WNT11: variants seen among roughly 807,000 people sequenced by gnomAD.
WNT11 encodes the protein protein Wnt-11.
WNT11 carries 20 observed loss-of-function variants against 35.6 expected under a neutral mutation model. The observed-to-expected ratio is 0.56, with a 90% CI of 0.40 to 0.82. The LOEUF is 0.82. WNT11 is among the 40% of genes least tolerant of loss of function. The pLI is 0.00. For synonymous variants in WNT11, 200 were observed against 211.9 expected (o/e 0.94, Z 0.49); for missense variants, 459 against 504.4 (o/e 0.91, Z 0.86).
chr11:76,189,031 C>T (rs2134564194), intron 4 of WNT11, among the ~76,000 whole-genome samples: 1 of 152,284 alleles, frequency 6.6e-6, no homozygotes, highest in Middle Eastern at 3.4e-3. Context: ...GTGGGGGCTG[C>T]CAGCAGTTCC....
At chr11:76,189,573 C>A (rs1340222276) in intron 4 of WNT11, among the ~76,000 whole-genome samples, 3 of 152,176 alleles carry the variant, frequency 2.0e-5, no homozygotes, top group Non-Finnish European at 4.4e-5. Context: ...TAGAGATACC[C>A]CGCATGCACA....
rs570846693 is a variant in WNT11 at position 76,191,847 on chromosome 11, C to T, written c.607G>A (p.Ala203Thr). The change falls in exon 4 of 5, where the codon GCC becomes ACC. Residue 203 changes from alanine to threonine, a missense_variant. Physicochemically the swap from Ala to Thr is moderately conservative, Grantham distance 58. Transcript: ENST00000322563. ...CACTTACACTTCATTTCCAGAGAGG[C>T]GCGCAGAGCCTGCGGACAGGGGAAG... ...NSEVGRQALR[A>T]SLEMKCKCHG... 10 of 1,598,734 alleles carry T rather than the reference C, an allele frequency of 6.3e-6. No homozygotes were observed. The highest frequency in any genetic ancestry group is 1.7e-5 in the Admixed American group (1 of 59,968).
intron 3 of WNT11, among the ~76,000 whole-genome samples, chr11:76,193,697 C>G (rs190432244): frequency 1.1e-4 from 17 of 152,374 alleles, no homozygotes; most frequent in African/African-American, 3.8e-4. Context: ...GTCCTGGGCT[C>G]TATTGTGCCG....
chr11:76,187,082 G>A lies in WNT11; in HGVS notation c.1048C>T (p.Arg350Cys), dbSNP rs756851051. 10 of 1,611,008 alleles carry A rather than the reference G, an allele frequency of 6.2e-6. No individual in the cohort carries two copies. The highest frequency in any genetic ancestry group is 2.7e-5 in the African/African-American group (2 of 74,932). The change falls in exon 5 of 5, where the codon CGC (arginine) becomes TGC (cysteine). Residue 350 changes from arginine to cysteine, a missense_variant. Arg to Cys is a radical substitution (Grantham distance 180). Transcript: ENST00000322563. Reference protein sequence around the residue: ...TCRRCERTVERYVCK With the variant: ...TCRRCERTVECYVCK ...GCAGGGCCTCACTTGCAGACATAGC[G>A]CTCCACGGTACGCTCACACCTGCGG...
intron 4 of WNT11, among the ~76,000 whole-genome samples, chr11:76,191,183 G>A (rs879881464): frequency 4.6e-5 from 7 of 152,156 alleles, no homozygotes; most frequent in Non-Finnish European, 7.4e-5. Flanking sequence ...GCCTTTACCC[G>A]TCATCTGTTC....
chr11:76,210,621 C>G (rs2134621143), upstream of WNT11: 1 of 985,262 alleles, frequency 1.0e-6, no homozygotes, highest in East Asian at 1.1e-4. Flanking sequence ...GAGAAGGACG[C>G]CGGGGATCCT....
chr11:76,187,021 C>T lies in WNT11; in HGVS notation c.*44G>A. The T allele has an allele frequency of 6.2e-7, 1 of 1,603,200 alleles. No individual in the cohort carries two copies. Among genetic ancestry groups the T allele is most frequent in the Non-Finnish European group, 8.5e-7 (1 of 1,179,598 alleles). On this transcript the variant is annotated 3_prime_UTR_variant, in exon 5 of 5. Transcript: ENST00000322563. ...CCCCTGGCCCCAGTTGCTGAGGGTC[C>T]TTGAGCAGAGTCCTCGCTCCTGCGT...
At chr11:76,200,570 G>A (rs1423098810) in intron 1 of WNT11, among the ~76,000 whole-genome samples, 1 of 152,188 alleles carries the variant, frequency 6.6e-6, no homozygotes, top group East Asian at 1.9e-4. Context: ...AGGGCAGCCC[G>A]GAGGGGATGA....
At chr11:76,210,483 C>T, upstream of WNT11, 1 of 985,310 alleles carries the variant, frequency 1.0e-6, no homozygotes, top group East Asian at 1.1e-4. Context: ...TCCCGGGGCG[C>T]TCGCCAGGCG....
chr11:76,188,174 T>C (rs1371517200), intron 4 of WNT11, among the ~76,000 whole-genome samples: 1 of 152,250 alleles, frequency 6.6e-6, no homozygotes, highest in Admixed American at 6.5e-5. Context: ...GTTGGCCATG[T>C]GCCTCCTGTG....
chr11:76,194,782 G>C lies in WNT11; in HGVS notation c.382C>G (p.Arg128Gly). 6.4e-7 allele frequency: 1 copy of C among 1,554,462 alleles called. No homozygotes were observed. The highest frequency in any genetic ancestry group is 8.7e-7 in the Non-Finnish European group (1 of 1,152,744). Residue 128 changes from arginine (R) to glycine (G), a missense_variant, in exon 3 of 5, where the codon CGG becomes GGG. Transcript: ENST00000322563. This position sits in a 1 kb window ranked among gnomAD's most constrained non-coding sequence, Gnocchi z 5.4. ...GGCAGGTCGCCGGAGGTGCAGGCCCGGGCGATGGCGTGGCTGATGGCGGCG... is the reference window on the plus strand; with the variant it reads ...GGCAGGTCGCCGGAGGTGCAGGCCCCGGCGATGGCGTGGCTGATGGCGGCG... ...SAAAISHAIA[R>G]ACTSGDLPGC...
chr11:76,196,345 T>C, intron 2 of WNT11, 138 bp downstream of exon 2: 1 of 990,538 alleles, frequency 1.0e-6, no homozygotes, highest in Non-Finnish European at 1.5e-6. Context: ...CATCCATGCC[T>C]GTATCCACCC....
chr11:76,209,513 C>A (rs1269498906), upstream of WNT11, among the ~76,000 whole-genome samples: 1 of 152,176 alleles, frequency 6.6e-6, no homozygotes, highest in East Asian at 1.9e-4. Context: ...AAGCCTCCCG[C>A]CACGCAGCTC....
chr11:76,192,361 A>T (rs1366700835), intron 3 of WNT11, among the ~76,000 whole-genome samples: 1 of 152,150 alleles, frequency 6.6e-6, no homozygotes, highest in Non-Finnish European at 1.5e-5. Flanking sequence ...AGAAAAGAAG[A>T]GAAGGAAGGA....
chr11:76,208,720 G>A (rs1953511743), upstream of WNT11, among the ~76,000 whole-genome samples: 1 of 152,184 alleles, frequency 6.6e-6, no homozygotes, highest in Non-Finnish European at 1.5e-5. Flanking sequence ...ACAGCGGACG[G>A]GGACCCAGGC....
At chr11:76,197,669 G>A (rs1057169865) in intron 1 of WNT11, among the ~76,000 whole-genome samples, 3 of 152,096 alleles carry the variant, frequency 2.0e-5, no homozygotes, top group African/African-American at 4.8e-5. Flanking sequence ...CATCCACCTC[G>A]TCCGTGCTTT....
At chr11:76,192,649 T>A (rs1056061447) in intron 3 of WNT11, among the ~76,000 whole-genome samples, 2 of 152,318 alleles carry the variant, frequency 1.3e-5, no homozygotes, top group East Asian at 3.9e-4. Flanking sequence ...ATTTAAGTAA[T>A]AACTATGGTG....
intron 1 of WNT11, among the ~76,000 whole-genome samples, chr11:76,197,797 C>G (rs148923775): frequency 2.4e-4 from 36 of 152,116 alleles, no homozygotes; most frequent in African/African-American, 8.2e-4. Flanking sequence ...GGCCCCTCCT[C>G]GATCTGCCGT....
chr11:76,206,261 C>T (rs1953470683), intron 1 of WNT11, 64 bp downstream of exon 1: 1 of 1,352,480 alleles, frequency 7.4e-7, no homozygotes, highest in Non-Finnish European at 9.6e-7. Context: ...TCCAGGGGAC[C>T]CCAAAACGCC....
Sources: allele counts gnomAD v4.1 joint callset (sites outside exome capture counted in the v4.1 genomes callset), GRCh38; gene constraint gnomAD v4.1.1; non-coding constraint Gnocchi (gnomAD v3.1); transcripts MANE v1.5; gene names NCBI Gene and HGNC (gene_info 2026-07-23, HGNC 2026-07-21).